GALNT11: variants seen among roughly 807,000 people sequenced by gnomAD.
GALNT11 encodes the protein UDP-GalNAc:polypeptide N-acetylgalactosaminyltransferase 11.
Under a neutral mutation model 72.7 loss-of-function variants are expected in GALNT11, and 47 were observed. The ratio of observed to expected loss-of-function variants is 0.65; its 90% confidence interval spans 0.51 to 0.82. The LOEUF (loss-of-function observed/expected upper bound fraction) is 0.82, where lower values mean the gene tolerates loss of function less well. Among genes scored for constraint, GALNT11 ranks in the 40% least tolerant of loss-of-function variants. The pLI is 0.00. For synonymous variants in GALNT11, 270 were observed against 286.6 expected, an observed-to-expected ratio of 0.94 and a Z score of 0.58; for missense variants, 677 against 778.4, an observed-to-expected ratio of 0.87 and a Z score of 1.55.
intron 1 of GALNT11, among the ~76,000 whole-genome samples, chr7:152,026,708 C>T (rs183048454): frequency 6.6e-6 from 1 of 152,362 alleles, no homozygotes; most frequent in African/African-American, 2.4e-5. Context: ...AAAGGCAGAG[C>T]AGAGGCTCAA....
intron 1 of GALNT11, among the ~76,000 whole-genome samples, chr7:152,087,337 A>G (rs2085714822): frequency 6.6e-6 from 1 of 152,230 alleles, no homozygotes; most frequent in African/African-American, 2.4e-5. Flanking sequence ...GAAAGAAGTC[A>G]TCATGAAATT....
At chr7:152,114,386 TA>T (rs2088612305) in intron 8 of GALNT11, among the ~76,000 whole-genome samples, 1 of 152,170 alleles carries the variant, frequency 6.6e-6, no homozygotes, top group South Asian at 2.1e-4. Context: ...AATGGAATCA[TA>T]AACTATGTGG....
intron 1 of GALNT11, among the ~76,000 whole-genome samples, chr7:152,067,299 C>T (rs908026946): frequency 1.3e-4 from 20 of 152,164 alleles, no homozygotes; most frequent in Non-Finnish European, 2.6e-4. Flanking sequence ...CCCACCCTCC[C>T]TTCTTGTACT....
chr7:152,066,657 C>CCCCTACA (rs1430555012), intron 1 of GALNT11, among the ~76,000 whole-genome samples: 1 of 152,090 alleles, frequency 6.6e-6, no homozygotes, highest in Non-Finnish European at 1.5e-5. Flanking sequence ...ACTTATAAGC[C>CCCCTACA]ATTGTAGGGT....
chr7:152,096,714 CAAA>C (rs768326363), intron 2 of GALNT11, among the ~76,000 whole-genome samples: 3 of 60,076 alleles, frequency 5.0e-5, no homozygotes, highest in African/African-American at 5.3e-5. Flanking sequence ...GACTCTGTCT[CAAA>C]AAAAAAAAAA....
intron 1 of GALNT11, among the ~76,000 whole-genome samples, chr7:152,034,312 A>G (rs867032506): frequency 6.6e-6 from 1 of 152,154 alleles, no homozygotes; most frequent in Non-Finnish European, 1.5e-5. Flanking sequence ...TTCTCCTTCA[A>G]TGAAAAGAAA....
At position 152,120,982 on chromosome 7, in the gene GALNT11, G is replaced by A. The variant is rs2089371603; in HGVS notation, c.1695+14G>A. The A allele has an allele frequency of 1.3e-5, 21 of 1,608,738 alleles. 1 individual carries two copies. Among genetic ancestry groups the A allele is most frequent in the Middle Eastern group, 1.7e-4 (1 of 6,046 alleles). On this transcript the variant is annotated intron_variant, in intron 11 of 11. Coordinates refer to ENST00000430044, the MANE Select transcript of GALNT11 (RefSeq NM_022087.4). ...TGGACCTTTGGGGTGAGGAGTGCTC[G>A]GTGATGTTGGGAGAATGCGCAGAGG...
At chr7:152,080,964 C>CT (rs1228942514) in intron 1 of GALNT11, among the ~76,000 whole-genome samples, 1 of 152,088 alleles carries the variant, frequency 6.6e-6, no homozygotes, top group Non-Finnish European at 1.5e-5. Context: ...GAGCGAAACT[C>CT]TGATTCAGAA....
intron 8 of GALNT11, among the ~76,000 whole-genome samples, chr7:152,113,716 T>C (rs1293082334): frequency 2.0e-3 from 13 of 6,590 alleles, no homozygotes; most frequent in Admixed American, 5.8e-3. Context: ...GGCTTTCTTT[T>C]TTTTTTTTTT....
At chr7:152,048,814 GT>G (rs1314936097) in intron 1 of GALNT11, among the ~76,000 whole-genome samples, 1 of 151,408 alleles carries the variant, frequency 6.6e-6, no homozygotes, top group East Asian at 2.0e-4. Context: ...CTTCATTCTT[GT>G]TTTTTTCTTT....
intron 1 of GALNT11, among the ~76,000 whole-genome samples, chr7:152,072,750 A>G (rs891750086): frequency 6.6e-6 from 1 of 152,230 alleles, no homozygotes; most frequent in African/African-American, 2.4e-5. Flanking sequence ...GTTTTAGTTT[A>G]GATTGTGAGG....
chr7:152,118,701 ATGC>A lies in GALNT11; in HGVS notation c.1477_1479del (p.Cys493del), dbSNP rs778642277. ...AGCTCTATCACCTCCAGACCAACAA[ATGC>A]CTGGTGGCCCAGGGCCGCCCAAGTC... is the stretch of plus-strand genomic sequence containing the variant. On this transcript the variant is annotated inframe_deletion, in exon 10 of 12. Transcript: ENST00000430044. 6.2e-7 allele frequency: 1 copy of A among 1,610,010 alleles called. No homozygotes were observed. The highest frequency in any genetic ancestry group is 8.5e-7 in the Non-Finnish European group (1 of 1,178,334).
intron 2 of GALNT11, among the ~76,000 whole-genome samples, chr7:152,097,172 A>G (rs1401172285): frequency 6.6e-6 from 1 of 152,332 alleles, no homozygotes; most frequent in East Asian, 1.9e-4. Flanking sequence ...AAATGGCACA[A>G]TTTTAAAATG....
intron 1 of GALNT11, among the ~76,000 whole-genome samples, chr7:152,080,552 T>C (rs2085260318): frequency 6.6e-6 from 1 of 152,134 alleles, no homozygotes; most frequent in African/African-American, 2.4e-5. Flanking sequence ...TGAAAATAAG[T>C]AGTAGATTAT....
intron 2 of GALNT11, among the ~76,000 whole-genome samples, chr7:152,096,115 AT>A (rs1319474404): frequency 1.3e-5 from 2 of 152,238 alleles, no homozygotes; most frequent in Non-Finnish European, 2.9e-5. Flanking sequence ...GCTGAAAGAA[AT>A]CAAAGTAAAC....
At chr7:152,080,527 G>C (rs1262792847) in intron 1 of GALNT11, among the ~76,000 whole-genome samples, 1 of 152,190 alleles carries the variant, frequency 6.6e-6, no homozygotes, top group Non-Finnish European at 1.5e-5. Flanking sequence ...GCATTTTGTA[G>C]ATAGTGTAGA....
intron 5 of GALNT11, chr7:152,107,822 T>G: frequency 2.2e-6 from 1 of 460,700 alleles, no homozygotes; most frequent in African/African-American, 1.9e-5. Context: ...TATGGGTCCC[T>G]CAATCACAGC....
intron 1 of GALNT11, among the ~76,000 whole-genome samples, chr7:152,083,589 G>A (rs886922008): frequency 1.3e-5 from 2 of 152,132 alleles, no homozygotes; most frequent in African/African-American, 4.8e-5. Context: ...GGATAGAGAA[G>A]CCCTGGAGTT....
At chr7:152,077,647 C>A (rs2085065441) in intron 1 of GALNT11, among the ~76,000 whole-genome samples, 1 of 151,912 alleles carries the variant, frequency 6.6e-6, no homozygotes, top group Admixed American at 6.6e-5. Context: ...TGCTGGTGAC[C>A]CCAGTCACCT....
Sources: gnomAD v4.1 joint callset for allele counts (sites outside exome capture counted in the v4.1 genomes callset) on GRCh38, gnomAD v4.1.1 for gene constraint, MANE v1.5 for transcripts, NCBI Gene and HGNC (gene_info 2026-07-23, HGNC 2026-07-21) for gene names.